Variants in ANKRD36 observed in about 807,000 individuals in gnomAD.
The protein encoded by ANKRD36 is ankyrin repeat domain-containing protein 36A.
ANKRD36 carries 179 observed loss-of-function variants against 278.1 expected under a neutral mutation model. The observed-to-expected ratio is 0.64, with a 90% CI of 0.57 to 0.73. ANKRD36 has a LOEUF of 0.73. Among genes scored for constraint, ANKRD36 ranks in the 30% least tolerant of loss-of-function variants. ANKRD36 has a pLI of 0.00. For missense variants in ANKRD36, 1,159 were observed against 1,956.7 expected (o/e 0.59, Z 7.69); for synonymous variants, 320 against 641.1 (o/e 0.50, Z 7.57).
At chr2:97,122,454 G>A (rs13384978) in intron 3 of ANKRD36, among the ~76,000 whole-genome samples, 16,861 of 142,322 alleles carry the variant, frequency 0.12, 617 homozygotes, top group Middle Eastern at 0.21. Flanking sequence ...AAGAAACACC[G>A]CTCTATAGAT....
intron 48 of ANKRD36, among the ~76,000 whole-genome samples, chr2:97,202,771 C>T (rs550519338): frequency 6.6e-6 from 1 of 151,862 alleles, no homozygotes; most frequent in South Asian, 2.1e-4. Context: ...AGACAGAAAA[C>T]TTCTTGTAAT....
chr2:97,175,920 T>C (rs2054103428), intron 22 of ANKRD36, among the ~76,000 whole-genome samples: 1 of 151,788 alleles, frequency 6.6e-6, no homozygotes, highest in Non-Finnish European at 1.5e-5. Context: ...TCAGTTTCCA[T>C]GTAGTTGAGC....
At chr2:97,215,914 G>C (rs1483220225) in intron 62 of ANKRD36, 67 of 428,338 alleles carry the variant, frequency 1.6e-4, no homozygotes, top group African/African-American at 1.1e-3. Context: ...GAATGAGAAC[G>C]AACAAGATCA....
intron 42 of ANKRD36, among the ~76,000 whole-genome samples, chr2:97,198,059 A>G (rs1178151600): frequency 6.6e-6 from 1 of 152,004 alleles, no homozygotes; most frequent in Admixed American, 6.6e-5. Context: ...TTTGTAGTAT[A>G]ATGGTGTAAA....
chr2:97,180,714 G>C (rs549760262), intron 24 of ANKRD36, among the ~76,000 whole-genome samples: 65 of 151,696 alleles, frequency 4.3e-4, no homozygotes, highest in Non-Finnish European at 6.3e-4. Context: ...GGATAAAATA[G>C]GTATTTAATG....
At chr2:97,192,492 G>T (rs2058739620) in intron 36 of ANKRD36, among the ~76,000 whole-genome samples, 1 of 151,692 alleles carries the variant, frequency 6.6e-6, no homozygotes, top group East Asian at 2.0e-4. Context: ...TGAAAGACAT[G>T]TGGGATCATG....
chr2:97,219,141 T>C, intron 65 of ANKRD36, 33 bp from the exon 66 acceptor site: 1 of 1,546,516 alleles, frequency 6.5e-7, no homozygotes, highest in Non-Finnish European at 8.7e-7. Flanking sequence ...ATATACATCA[T>C]GTGCTAATCA....
At position 97,191,263 on chromosome 2, in the gene ANKRD36, C is replaced by T. The variant is rs1307018716; in HGVS notation, c.2347+82C>T. On this transcript the variant is annotated intron_variant, in intron 36 of 75. Transcript: ENST00000420699. The stretch of plus-strand genomic sequence containing the variant: ...CTTTCCTGAATGAATTGGCCTGGGG[C>T]TCGTCGAAGCTGCACATTATCATTC... 3.3e-5 allele frequency: 45 copies of T among 1,375,282 alleles called. 1 individual carries two copies. Among genetic ancestry groups the T allele is most frequent in the Non-Finnish European group, 4.3e-5 (44 of 1,024,770 alleles). The allele number at this position is 1,375,282 out of a possible 1,614,324, so 85.2% of individuals were successfully genotyped here.
At position 97,124,581 on chromosome 2, in the gene ANKRD36, G is replaced by A; in HGVS notation, c.715G>A (p.Glu239Lys). Residue 239 changes from glutamate (E) to lysine (K), a missense_variant, in exon 5 of 76, where the codon GAG becomes AAG. By Grantham distance (56) the Glu-to-Lys change is moderately conservative. Coordinates refer to ENST00000420699, the MANE Select transcript of ANKRD36 (RefSeq NM_001354587.1). ...FRKIAGDYAI[E>K]AKNRVIFDLI... ...AAAGATTGCAGGAGATTATGCCATTGAGGCTAAGAATAGAGTGTAAGTCTT... is the reference window on the plus strand; with the variant it reads ...AAAGATTGCAGGAGATTATGCCATTAAGGCTAAGAATAGAGTGTAAGTCTT... 1.9e-6 allele frequency: 3 copies of A among 1,552,080 alleles called. No individual in the cohort carries two copies. The highest frequency in any genetic ancestry group is 1.7e-6 in the Non-Finnish European group (2 of 1,146,828).
At chr2:97,199,297 C>A (rs1288111555) in intron 44 of ANKRD36, among the ~76,000 whole-genome samples, 1 of 151,900 alleles carries the variant, frequency 6.6e-6, no homozygotes, top group South Asian at 2.1e-4. Context: ...ATACACCACA[C>A]TGACCCCTTA....
chr2:97,154,613 G>A (rs922065476), intron 14 of ANKRD36, 62 bp from the exon 15 acceptor site: 22 of 1,364,630 alleles, frequency 1.6e-5, no homozygotes, highest in African/African-American at 7.0e-5. Context: ...ATAGACTGAC[G>A]GTTTTTGTTT....
chr2:97,213,908 A>C (rs1449488288), intron 60 of ANKRD36, among the ~76,000 whole-genome samples: 2 of 151,770 alleles, frequency 1.3e-5, no homozygotes, highest in African/African-American at 4.8e-5. Flanking sequence ...ATTCTACAGC[A>C]TGTTTTCAAT....
At chr2:97,194,682 TC>T (rs1410946994) in intron 38 of ANKRD36, 43 bp from the exon 39 acceptor site, 1 of 1,600,686 alleles carries the variant, frequency 6.2e-7, no homozygotes, top group Non-Finnish European at 8.5e-7. Context: ...GATAACTTTA[TC>T]ATATTTACAT....
chr2:97,202,695 G>C (rs562108863), intron 48 of ANKRD36, among the ~76,000 whole-genome samples: 13 of 151,916 alleles, frequency 8.6e-5, no homozygotes, highest in African/African-American at 2.2e-4. Flanking sequence ...CTTGTTTTCA[G>C]TAAGGGTGGA....
chr2:97,128,405 A>T (rs563556775), intron 6 of ANKRD36, among the ~76,000 whole-genome samples: 53 of 151,908 alleles, frequency 3.5e-4, no homozygotes, highest in Non-Finnish European at 6.3e-4. Context: ...AAAAATAAAA[A>T]AAGTGAGAAT....
In ANKRD36 at chr2:97,182,096, A is replaced by T. The variant is rs2056389862; in HGVS notation, c.1837+303A>T. 1.3e-5 allele frequency among the ~76,000 whole-genome samples: 2 copies of T among 151,336 alleles called. 1 individual carries two copies. Among genetic ancestry groups the T allele is most frequent in the Admixed American group, 1.3e-4 (2 of 15,078 alleles). On this transcript the variant is annotated intron_variant, in intron 26 of 75. Transcript: ENST00000420699. Reference sequence around the variant, plus strand: ...ACAGCATGTTTTCACCAAGGGAGGAAGGAGAAAGAGATGAAGTATAGATTT... The same window carrying T: ...ACAGCATGTTTTCACCAAGGGAGGATGGAGAAAGAGATGAAGTATAGATTT...
chr2:97,125,774 C>T (rs1168243855), intron 5 of ANKRD36, among the ~76,000 whole-genome samples: 3 of 151,830 alleles, frequency 2.0e-5, no homozygotes, highest in South Asian at 2.1e-4. Context: ...AAAATATTTT[C>T]GGATTCTATT....
Position 97,130,434 on chromosome 2 carries a change from C to T in ANKRD36, c.799+3300C>T, listed in dbSNP as rs1486093828. Reference sequence around the variant, plus strand: ...ACACAGGAAGGGGAACATCACACACCGGGGACTGTTGTGGGGTGGGGGGAG... The same window carrying T: ...ACACAGGAAGGGGAACATCACACACTGGGGACTGTTGTGGGGTGGGGGGAG... On this transcript the variant is annotated intron_variant, in intron 6 of 75. Transcript: ENST00000420699. 3.7e-5 allele frequency among the ~76,000 whole-genome samples: 4 copies of T among 108,160 alleles called. No homozygotes were observed. In the Admixed American group the frequency reaches 4.2e-4, roughly 11 times the overall value. 71.0% of individuals were successfully genotyped at this position (108,160 alleles called of 152,430 possible).
At chr2:97,204,620 C>G (rs1173704849) in intron 50 of ANKRD36, among the ~76,000 whole-genome samples, 3 of 151,436 alleles carry the variant, frequency 2.0e-5, no homozygotes, top group African/African-American at 4.8e-5. Flanking sequence ...TCAGCTCGCA[C>G]TGCCAAGAAA....
Sources: allele counts gnomAD v4.1 joint callset (sites outside exome capture counted in the v4.1 genomes callset), GRCh38; gene constraint gnomAD v4.1.1; transcripts MANE v1.5; gene names NCBI Gene and HGNC (gene_info 2026-07-23, HGNC 2026-07-21).